SPIRE1: variants seen among roughly 807,000 people sequenced by gnomAD.
The protein encoded by SPIRE1 is protein spire homolog 1.
A neutral mutation model predicts 94.1 loss-of-function variants in SPIRE1; 40 were observed. The ratio of observed to expected loss-of-function variants is 0.43; its 90% CI spans 0.33 to 0.55. SPIRE1 has a LOEUF of 0.55. SPIRE1 is among the 20% of genes least tolerant of loss of function. SPIRE1 has a pLI of 0.06. For synonymous variants in SPIRE1, 376 were observed against 371.7 expected, an observed-to-expected ratio of 1.01 and a Z score of -0.13; for missense variants, 838 against 975.2, an observed-to-expected ratio of 0.86 and a Z score of 1.87.
At chr18:12,602,342 A>C (rs530431686) in intron 2 of SPIRE1, among the ~76,000 whole-genome samples, 3 of 152,290 alleles carry the variant, frequency 2.0e-5, no homozygotes, top group South Asian at 2.1e-4. Flanking sequence ...TTTTGGCACA[A>C]GAAATCTTTT....
At chr18:12,502,762 A>G (rs2033706341) in intron 6 of SPIRE1, among the ~76,000 whole-genome samples, 1 of 152,142 alleles carries the variant, frequency 6.6e-6, no homozygotes, top group Non-Finnish European at 1.5e-5. Context: ...ACCATCAAAT[A>G]TCTATTAATA....
chr18:12,547,145 T>G (rs373697420), intron 2 of SPIRE1, among the ~76,000 whole-genome samples: 45 of 152,364 alleles, frequency 3.0e-4, no homozygotes, highest in African/African-American at 1.0e-3. Flanking sequence ...AGAACAGATA[T>G]AGTTATCAAA....
chr18:12,476,553 AAAAAAAAAAAAAT>A (rs1484649561), intron 10 of SPIRE1, among the ~76,000 whole-genome samples: 6 of 90,214 alleles, frequency 6.7e-5, no homozygotes, highest in East Asian at 4.1e-4. Context: ...AAAAAAAAAA[AAAAAAAAAAAAAT>A]ATATATATAT....
intron 2 of SPIRE1, among the ~76,000 whole-genome samples, chr18:12,621,539 A>T (rs1199043902): frequency 3.9e-5 from 6 of 152,210 alleles, no homozygotes. Flanking sequence ...TTTGGCAATA[A>T]AAAGGAATAA....
chr18:12,607,613 AC>A (rs2037019323), intron 2 of SPIRE1, among the ~76,000 whole-genome samples: 2 of 151,542 alleles, frequency 1.3e-5, no homozygotes, highest in African/African-American at 2.4e-5. Context: ...ACACACACAC[AC>A]ACACACACAC....
At chr18:12,631,548 C>CAAAAAAAAAAAAAAAAAAAAAAAAAA (rs869278182) in intron 2 of SPIRE1, among the ~76,000 whole-genome samples, 3 of 63,804 alleles carry the variant, frequency 4.7e-5, no homozygotes, top group African/African-American at 6.9e-5. Flanking sequence ...CCCATCTCTA[C>CAAAAAAAAAAAAAAAAAAAAAAAAAA]AAAAAAAAAA....
In SPIRE1 at chr18:12,524,139, T is replaced by G. The variant is rs147514543; in HGVS notation, c.729+11337A>C. Among the ~76,000 whole-genome samples the G allele has an allele frequency of 1.1e-3, 169 of 152,318 alleles. 1 individual carries two copies. The highest frequency in any genetic ancestry group is 6.6e-3 in the East Asian group (34 of 5,188). ...TGCCTATAAATCACTTAACAAAGTT[T>G]CTCTATATGTATTGGATTATATTGT... On this transcript the variant is annotated intron_variant, in intron 4 of 16. Transcript: ENST00000409402.
intron 3 of SPIRE1, among the ~76,000 whole-genome samples, chr18:12,541,756 A>C (rs979812623): frequency 1.9e-4 from 29 of 152,268 alleles, no homozygotes; most frequent in Admixed American, 1.8e-3. Context: ...CAGTCTAAAA[A>C]TCTGTGTCTT....
intron 2 of SPIRE1, among the ~76,000 whole-genome samples, chr18:12,630,301 C>A (rs756533495): frequency 6.6e-6 from 1 of 152,156 alleles, no homozygotes; most frequent in Non-Finnish European, 1.5e-5. Context: ...CCTTACACTT[C>A]CCAACCAGGA....
At chr18:12,474,914 G>T (rs1290596725) in intron 10 of SPIRE1, among the ~76,000 whole-genome samples, 2 of 152,142 alleles carry the variant, frequency 1.3e-5, no homozygotes, top group East Asian at 1.9e-4. Context: ...TGAGAAGCAG[G>T]AAGAAAAAGA....
chr18:12,559,221 C>T lies in SPIRE1; in HGVS notation c.373-12317G>A, dbSNP rs932864279. On this transcript the variant is annotated intron_variant, in intron 2 of 16. Coordinates refer to ENST00000409402, the MANE Select transcript of SPIRE1 (RefSeq NM_001128626.2). This position sits in a 1 kb window ranked among gnomAD's most constrained non-coding sequence, Gnocchi z 4.7. ...CGCCGGCATGGCAGGCTGCAGGTCC[C>T]GAGCCCTGCCCCGCAGGGAGGCAGC... is the stretch of plus-strand genomic sequence containing the variant. 7.2e-5 allele frequency among the ~76,000 whole-genome samples: 11 copies of T among 152,196 alleles called. No individual in the cohort carries two copies. Among genetic ancestry groups the T allele is most frequent in the Admixed American group, 1.3e-4 (2 of 15,306 alleles).
intron 4 of SPIRE1, among the ~76,000 whole-genome samples, chr18:12,513,052 C>T (rs2034086691): frequency 6.6e-6 from 1 of 152,030 alleles, no homozygotes; most frequent in Non-Finnish European, 1.5e-5. Context: ...ACCATTATAC[C>T]TCTAACAGCT....
intron 2 of SPIRE1, among the ~76,000 whole-genome samples, chr18:12,554,089 A>G (rs1396307895): frequency 6.6e-6 from 1 of 152,268 alleles, no homozygotes; most frequent in Non-Finnish European, 1.5e-5. Context: ...TCACGAGGTC[A>G]GGAGTTCAAG....
At position 12,463,381 on chromosome 18, in the gene SPIRE1, C is replaced by G. The variant is rs1192160563; in HGVS notation, c.1608G>C (p.Leu536=). 1.2e-6 allele frequency: 2 copies of G among 1,613,578 alleles called. No individual in the cohort carries two copies. Among genetic ancestry groups the G allele is most frequent in the African/African-American group, 2.7e-5 (2 of 74,926 alleles). ...KETPTNVRQF[L]PPSRQSSRSL... is the part of the protein sequence containing the mutation. ...AGCGGGAACTCTGCCTGGAAGGCGG[C>G]AGGAACTGCCTCACGTTAGTAGGCG... The change falls in exon 12 of 17, where the codon CTG becomes CTC. Residue 536 remains leucine, a synonymous_variant. Transcript: ENST00000409402.
intron 4 of SPIRE1, among the ~76,000 whole-genome samples, chr18:12,519,486 A>T (rs1448039594): frequency 1.3e-5 from 2 of 152,190 alleles, no homozygotes; most frequent in Non-Finnish European, 2.9e-5. Flanking sequence ...GCTAATACAC[A>T]TTCACCTTTT....
rs71174107 is a variant in SPIRE1, at chr18:12,615,345, AAT to A, written c.372+19715_372+19716del. On this transcript the variant is annotated intron_variant, in intron 2 of 16. Transcript: ENST00000409402. ...TCTGTCTCAAAAAAAAAAAAAAAAA[AAT>A]ATATATATATATATATATATATATA... Among the ~76,000 whole-genome samples, 138 of 17,216 alleles carry A rather than the reference AAT, an allele frequency of 8.0e-3. 4 individuals are homozygous for A. The highest frequency in any genetic ancestry group is 0.012 in the East Asian group (7 of 588). 11.3% of individuals were successfully genotyped at this position (17,216 alleles called of 152,430 possible). A position where few individuals can be genotyped will look rare whatever the true frequency, so the allele number is the denominator to read the frequency against.
chr18:12,484,670 GCC>G (rs2032969704), intron 9 of SPIRE1, among the ~76,000 whole-genome samples: 1 of 152,158 alleles, frequency 6.6e-6, no homozygotes, highest in Non-Finnish European at 1.5e-5. Context: ...AAATATTTGT[GCC>G]AACATCTCAT....
chr18:12,508,640 T>C (rs542108726), intron 5 of SPIRE1, among the ~76,000 whole-genome samples: 1 of 152,260 alleles, frequency 6.6e-6, no homozygotes, highest in East Asian at 1.9e-4. Flanking sequence ...TTAGAAACTT[T>C]TGCTATAATT....
At chr18:12,459,888 C>T (rs2031702464) in intron 12 of SPIRE1, 4 of 985,548 alleles carry the variant, frequency 4.1e-6, no homozygotes, top group Admixed American at 6.2e-5. Context: ...AAAAAGTGGT[C>T]GAAAAGGCGT....
Sources: gnomAD v4.1 joint callset for allele counts (sites outside exome capture counted in the v4.1 genomes callset) on GRCh38, gnomAD v4.1.1 for gene constraint, Gnocchi (gnomAD v3.1) non-coding constraint, MANE v1.5 for transcripts, NCBI Gene and HGNC (gene_info 2026-07-23, HGNC 2026-07-21) for gene names.